Variants in DNM3 observed in about 807,000 individuals in gnomAD.
DNM3 encodes the protein dynamin-3.
DNM3 carries 47 observed loss-of-function variants against 101.6 expected under a neutral mutation model. That is an observed-to-expected ratio of 0.46 (90% CI 0.37 to 0.59). The LOEUF (loss-of-function observed/expected upper bound fraction) is 0.59. Among genes scored for constraint, DNM3 ranks in the 20% least tolerant of loss-of-function variants. The pLI is 0.00. For missense variants in DNM3, 849 were observed against 1,085.7 expected (o/e 0.78, Z 3.06); for synonymous variants, 385 against 387.9 (o/e 0.99, Z 0.09).
chr1:172,066,087 T>A (rs1003003714), intron 10 of DNM3, among the ~76,000 whole-genome samples: 1 of 152,136 alleles, frequency 6.6e-6, no homozygotes, highest in Non-Finnish European at 1.5e-5. Context: ...TAGATCTAAC[T>A]CCTTATGAGT....
intron 14 of DNM3, chr1:172,144,828 A>G: frequency 3.1e-6 from 1 of 327,634 alleles, no homozygotes; most frequent in East Asian, 8.5e-5. Context: ...ATTTAGGACC[A>G]GGAAAAGGGG....
intron 4 of DNM3, among the ~76,000 whole-genome samples, chr1:171,996,606 C>A (rs1220296401): frequency 2.0e-5 from 3 of 152,108 alleles, no homozygotes; most frequent in Non-Finnish European, 4.4e-5. Context: ...TCCATCACAT[C>A]CTGATTGTGT....
At chr1:171,892,544 T>C (rs901579577) in intron 1 of DNM3, among the ~76,000 whole-genome samples, 1 of 152,244 alleles carries the variant, frequency 6.6e-6, no homozygotes, top group Admixed American at 6.5e-5. Context: ...TGGATAATTC[T>C]AGCCTCCTCC....
intron 20 of DNM3, chr1:172,418,216 T>G: frequency 1.6e-6 from 2 of 1,214,442 alleles, no homozygotes; most frequent in Non-Finnish European, 2.1e-6. Context: ...TAAACATTGT[T>G]TTCTTCCTCT....
chr1:171,864,153 A>G (rs1346498335), intron 1 of DNM3: 1 of 152,344 alleles, frequency 6.6e-6, no homozygotes, highest in Middle Eastern at 3.4e-3. Flanking sequence ...AAAGATTTGC[A>G]TGTAGCAAAA....
chr1:171,957,609 T>C (rs2042950088), intron 2 of DNM3, among the ~76,000 whole-genome samples: 1 of 152,192 alleles, frequency 6.6e-6, no homozygotes, highest in Admixed American at 6.5e-5. Context: ...ATCTCTTGAA[T>C]GCTTTACTGC....
chr1:171,886,203 CT>C (rs2036754631), intron 1 of DNM3, among the ~76,000 whole-genome samples: 4 of 152,198 alleles, frequency 2.6e-5, no homozygotes, highest in Non-Finnish European at 5.9e-5. Flanking sequence ...TAGAATTTCT[CT>C]TTTAGGAAAC....
In DNM3 at chr1:172,333,634, T is replaced by TA. The variant is rs1489277153; in HGVS notation, c.1893+10299dup. Among the ~76,000 whole-genome samples, 3 of 151,970 alleles carry TA rather than the reference T, an allele frequency of 2.0e-5. No individual in the cohort carries two copies. The East Asian group carries it at 5.8e-4, about 29-fold the overall frequency. On this transcript the variant is annotated intron_variant, in intron 17 of 20. Transcript: ENST00000627582. The stretch of plus-strand genomic sequence containing the variant: ...GATGCATATTATCTTAATCCAGAGG[T>TA]AAAAAGGAATTTTTTAAATTATTGG...
intron 2 of DNM3, among the ~76,000 whole-genome samples, chr1:171,931,077 C>T (rs772986475): frequency 6.6e-6 from 1 of 151,928 alleles, no homozygotes; most frequent in Non-Finnish European, 1.5e-5. Context: ...AAAGAGTATA[C>T]CACTTAGGAA....
intron 14 of DNM3, among the ~76,000 whole-genome samples, chr1:172,167,477 T>C (rs1027234454): frequency 2.0e-5 from 3 of 152,036 alleles, no homozygotes; most frequent in African/African-American, 7.2e-5. Flanking sequence ...TAGTTCTAGA[T>C]CCTTGAGGAG....
chr1:172,198,545 C>CT (rs35106106), intron 14 of DNM3, among the ~76,000 whole-genome samples: 9 of 150,994 alleles, frequency 6.0e-5, no homozygotes, highest in Non-Finnish European at 1.2e-4. Context: ...AGGTCCTGGG[C>CT]TTTTTTTTTG....
At chr1:172,098,945 A>G (rs1485007958) in intron 13 of DNM3, among the ~76,000 whole-genome samples, 1 of 152,172 alleles carries the variant, frequency 6.6e-6, no homozygotes, top group East Asian at 1.9e-4. Context: ...CAGGTTAGGG[A>G]CTATCTGAGG....
chr1:172,313,861 T>C (rs2065186769), intron 16 of DNM3, among the ~76,000 whole-genome samples: 1 of 152,148 alleles, frequency 6.6e-6, no homozygotes, highest in South Asian at 2.1e-4. Context: ...GTTTGTTACA[T>C]AGGTATACGT....
chr1:172,308,665 A>G, intron 15 of DNM3, 63 bp from the exon 16 acceptor site: 1 of 808,114 alleles, frequency 1.2e-6, no homozygotes, highest in Non-Finnish European at 1.8e-6. Flanking sequence ...GTCTACAGCA[A>G]CATAAAATGA....
intron 15 of DNM3, among the ~76,000 whole-genome samples, chr1:172,282,631 GA>G (rs1421363987): frequency 6.6e-6 from 1 of 152,144 alleles, no homozygotes; most frequent in African/African-American, 2.4e-5. Flanking sequence ...AGGGGATAAG[GA>G]TATTCCAGAT....
At chr1:172,375,784 C>T (rs2068563844) in intron 17 of DNM3, among the ~76,000 whole-genome samples, 1 of 150,998 alleles carries the variant, frequency 6.6e-6, no homozygotes, top group Admixed American at 6.6e-5. Flanking sequence ...TGAGGCGGGA[C>T]CATCGCTTAA....
intron 17 of DNM3, among the ~76,000 whole-genome samples, chr1:172,343,403 A>G (rs1215407182): frequency 6.6e-6 from 1 of 152,212 alleles, no homozygotes; most frequent in Non-Finnish European, 1.5e-5. Flanking sequence ...AAAAAAAAGT[A>G]AAATTCCAGC....
intron 1 of DNM3, among the ~76,000 whole-genome samples, chr1:171,908,084 T>C (rs996182364): frequency 6.6e-6 from 1 of 152,250 alleles, no homozygotes; most frequent in African/African-American, 2.4e-5. Context: ...GTTACACTCA[T>C]ATAGTTTCTG....
intron 4 of DNM3, among the ~76,000 whole-genome samples, chr1:172,015,745 C>A (rs1169264250): frequency 1.3e-5 from 2 of 152,172 alleles, no homozygotes; most frequent in African/African-American, 4.8e-5. Context: ...CCTTTACAAT[C>A]TATAAAGAGT....
Sources: allele counts gnomAD v4.1 joint callset (sites outside exome capture counted in the v4.1 genomes callset), GRCh38; gene constraint gnomAD v4.1.1; transcripts MANE v1.5; gene names NCBI Gene and HGNC (gene_info 2026-07-23, HGNC 2026-07-21).